HTR4: variants seen among roughly 807,000 people sequenced by gnomAD.
HTR4 encodes 5-hydroxytryptamine (serotonin) receptor 4, G protein-coupled.
Under a neutral mutation model 36.8 loss-of-function variants are expected in HTR4, and 16 were observed. The observed-to-expected ratio is 0.43, with a 90% confidence interval of 0.29 to 0.66. The LOEUF (loss-of-function observed/expected upper bound fraction) is 0.66, where lower values mean the gene tolerates loss of function less well. HTR4 is among the 30% of genes least tolerant of loss of function. The pLI, the probability that HTR4 is intolerant of heterozygous loss-of-function variation, is 0.13. For missense variants in HTR4, 438 were observed against 490.9 expected (o/e 0.89, Z 1.02); for synonymous variants, 189 against 185.1 (o/e 1.02, Z -0.17).
intron 5 of HTR4, among the ~76,000 whole-genome samples, chr5:148,522,449 G>T (rs1758067448): frequency 6.6e-6 from 1 of 152,120 alleles, no homozygotes; most frequent in African/African-American, 2.4e-5. Flanking sequence ...ATAAGCTTGT[G>T]AGCCTGGGTT....
At position 148,596,518 on chromosome 5, in the gene HTR4, T is replaced by C. The variant is rs946836066; in HGVS notation, c.26+40471A>G. ...CTCAGCGTTTCCCAATGCTGGCATT[T>C]TGGGGGCTGGGGCTGGCTTTTTTTG... On this transcript the variant is annotated intron_variant, in intron 2 of 6. Coordinates refer to ENST00000377888, the MANE Select transcript of HTR4 (RefSeq NM_000870.7). Among the ~76,000 whole-genome samples the C allele has an allele frequency of 3.3e-5, 5 of 152,136 alleles. No individual in the cohort carries two copies. In the East Asian group the frequency reaches 5.8e-4, roughly 18 times the overall value.
At chr5:148,551,214 C>A (rs1464733631) in intron 2 of HTR4, among the ~76,000 whole-genome samples, 4 of 152,178 alleles carry the variant, frequency 2.6e-5, no homozygotes, top group African/African-American at 9.7e-5. Flanking sequence ...CCAGCCCATG[C>A]AGAAGCTTCT....
At chr5:148,454,693 A>T (rs1020238533) in intron 5 of HTR4, among the ~76,000 whole-genome samples, 18 of 152,176 alleles carry the variant, frequency 1.2e-4, no homozygotes, top group Admixed American at 1.1e-3. Context: ...CCCTATCAAC[A>T]GACTCCTTTT....
intron 6 of HTR4, among the ~76,000 whole-genome samples, chr5:148,495,518 G>A (rs73266466): frequency 0.16 from 24,056 of 152,092 alleles, 3,476 homozygotes; most frequent in African/African-American, 0.38. Flanking sequence ...AATGTTCCAG[G>A]CACTTTACTA....
At chr5:148,537,001 C>A (rs1758855901) in intron 4 of HTR4, among the ~76,000 whole-genome samples, 1 of 152,158 alleles carries the variant, frequency 6.6e-6, no homozygotes, top group Non-Finnish European at 1.5e-5. Flanking sequence ...AAACAATCCT[C>A]AACAAATGCA....
intron 2 of HTR4, among the ~76,000 whole-genome samples, chr5:148,631,854 G>C (rs1753335113): frequency 6.6e-6 from 1 of 152,084 alleles, no homozygotes; most frequent in Admixed American, 6.5e-5. Context: ...TAATGTTGTT[G>C]CATGTGTATA....
chr5:148,590,085 A>G (rs1761501981), intron 2 of HTR4, among the ~76,000 whole-genome samples: 1 of 152,054 alleles, frequency 6.6e-6, no homozygotes, highest in Non-Finnish European at 1.5e-5. Context: ...ATTTTAATAT[A>G]GTCAAAGAAA....
chr5:148,604,442 G>A (rs1290106537), intron 2 of HTR4, among the ~76,000 whole-genome samples: 2 of 152,164 alleles, frequency 1.3e-5, no homozygotes, highest in East Asian at 3.8e-4. Context: ...CTGGAAAACT[G>A]AGAGTATCTT....
chr5:148,503,229 G>C (rs1757019944), intron 6 of HTR4, among the ~76,000 whole-genome samples: 1 of 152,128 alleles, frequency 6.6e-6, no homozygotes, highest in African/African-American at 2.4e-5. Context: ...AAAATGTTAA[G>C]GGCAGCCAGA....
At position 148,654,341 on chromosome 5, in the gene HTR4, A is replaced by G; in HGVS notation, c.-327T>C. On this transcript the variant is annotated 5_prime_UTR_variant, in exon 1 of 7. Coordinates refer to ENST00000377888, the MANE Select transcript of HTR4 (RefSeq NM_000870.7). ...AACCGAGCCGGACTCCACGGGCTCA[A>G]CAGCCCCCAGCCCCGGTGGTCCCCG... is the stretch of plus-strand genomic sequence containing the variant. 1 of 984,848 alleles carries G rather than the reference A, an allele frequency of 1.0e-6. No homozygotes were observed. Among genetic ancestry groups the G allele is most frequent in the Non-Finnish European group, 1.2e-6 (1 of 829,410 alleles). 61.0% of individuals were successfully genotyped at this position (984,848 alleles called of 1,614,324 possible). A position where few individuals can be genotyped will look rare whatever the true frequency, so the allele number is the denominator to read the frequency against.
At chr5:148,631,484 G>A (rs1010756494) in intron 2 of HTR4, among the ~76,000 whole-genome samples, 3 of 152,058 alleles carry the variant, frequency 2.0e-5, no homozygotes, top group African/African-American at 4.8e-5. Context: ...ATTCCACATC[G>A]ATAAGTCTTT....
At chr5:148,629,157 A>T (rs1351411409) in intron 2 of HTR4, 1 of 152,194 alleles carries the variant, frequency 6.6e-6, no homozygotes, top group Non-Finnish European at 1.5e-5. Flanking sequence ...ACAAGGTGTC[A>T]TAAGAAAAGA....
chr5:148,587,457 T>TG (rs747289394), intron 2 of HTR4, among the ~76,000 whole-genome samples: 28 of 151,886 alleles, frequency 1.8e-4, no homozygotes, highest in Non-Finnish European at 2.9e-4. Flanking sequence ...GGCGGAGGGT[T>TG]GGGGGGGTGG....
intron 4 of HTR4, among the ~76,000 whole-genome samples, chr5:148,532,521 A>G (rs1393307694): frequency 6.6e-6 from 1 of 152,238 alleles, no homozygotes; most frequent in Non-Finnish European, 1.5e-5. Context: ...TATCTAGCAG[A>G]GGGATGGGGA....
intron 2 of HTR4, among the ~76,000 whole-genome samples, chr5:148,610,230 A>G: frequency 6.6e-6 from 1 of 152,202 alleles, no homozygotes. Flanking sequence ...GCTCCGGTCT[A>G]CAGCTCCCAG....
intron 6 of HTR4, among the ~76,000 whole-genome samples, chr5:148,485,271 T>G (rs914674913): frequency 5.3e-5 from 8 of 152,194 alleles, no homozygotes; most frequent in African/African-American, 1.9e-4. Flanking sequence ...AAACTGAGCT[T>G]CAGGGAGCAT....
chr5:148,613,903 C>G (rs1239505137), intron 2 of HTR4, among the ~76,000 whole-genome samples: 1 of 152,110 alleles, frequency 6.6e-6, no homozygotes, highest in Non-Finnish European at 1.5e-5. Context: ...AAACAGAGAG[C>G]CAAACCATGA....
At chr5:148,525,182 G>T (rs773105577) in intron 4 of HTR4, among the ~76,000 whole-genome samples, 7 of 152,164 alleles carry the variant, frequency 4.6e-5, no homozygotes, top group Non-Finnish European at 7.3e-5. Context: ...ATCATGATTA[G>T]CTGGATTCCC....
intron 2 of HTR4, among the ~76,000 whole-genome samples, chr5:148,636,348 A>C (rs2127306163): frequency 6.6e-6 from 1 of 152,320 alleles, no homozygotes; most frequent in African/African-American, 2.4e-5. Context: ...GATAATTCTC[A>C]GCCTCAAATG....
Sources: gnomAD v4.1 joint callset for allele counts (sites outside exome capture counted in the v4.1 genomes callset) on GRCh38, gnomAD v4.1.1 for gene constraint, MANE v1.5 for transcripts, NCBI Gene and HGNC (gene_info 2026-07-23, HGNC 2026-07-21) for gene names.